The following HYCC1 variants were observed in gnomAD, a reference collection of about 807,000 sequenced individuals.
The protein encoded by HYCC1 is hyccin PI4KA lipid kinase complex subunit 1, also known as hyccin.
the HYCC1 span, among the ~76,000 whole-genome samples, chr7:23,000,477 C>A: frequency 6.6e-6 from 1 of 152,052 alleles, no homozygotes; most frequent in Admixed American, 6.6e-5. Flanking sequence ...TACATGTATA[C>A]ATAGTCCATT....
At chr7:23,001,088 A>G in the HYCC1 span, among the ~76,000 whole-genome samples, 568 of 152,276 alleles carry the variant, frequency 3.7e-3, no homozygotes, top group Non-Finnish European at 6.7e-3. Context: ...TGGTCTGGAA[A>G]ACACTCAATG....
the HYCC1 span, among the ~76,000 whole-genome samples, chr7:22,954,390 T>C: frequency 6.6e-6 from 1 of 151,150 alleles, no homozygotes; most frequent in African/African-American, 2.4e-5. Context: ...CCGATATGAA[T>C]TGCAATCTTT....
the HYCC1 span, among the ~76,000 whole-genome samples, chr7:22,927,344 G>A: frequency 2.0e-5 from 3 of 151,002 alleles, no homozygotes; most frequent in Non-Finnish European, 4.4e-5. Context: ...GAGCAGAACT[G>A]AAGGAAATAG....
At chr7:23,008,383 A>G in the HYCC1 span, among the ~76,000 whole-genome samples, 5 of 152,036 alleles carry the variant, frequency 3.3e-5, no homozygotes, top group African/African-American at 1.2e-4. Flanking sequence ...TATAAAATAC[A>G]TGAAGAAAAC....
the HYCC1 span, chr7:22,941,344 T>C: frequency 5.3e-5 from 8 of 152,262 alleles, no homozygotes; most frequent in South Asian, 2.1e-4. Flanking sequence ...TACACAAATA[T>C]ACAAAAATTC....
At chr7:22,987,325 A>G in the HYCC1 span, among the ~76,000 whole-genome samples, 1 of 152,256 alleles carries the variant, frequency 6.6e-6, no homozygotes, top group African/African-American at 2.4e-5. Flanking sequence ...AGGCAAGCGG[A>G]TAACTTGAGG....
the HYCC1 span, chr7:22,976,402 T>A: frequency 4.6e-6 from 4 of 865,476 alleles, no homozygotes; most frequent in Non-Finnish European, 7.6e-6. Context: ...GATACAATGT[T>A]ACAGAACAGA....
the HYCC1 span, chr7:22,946,174 A>C: frequency 1.2e-3 from 1,970 of 1,606,806 alleles, 29 homozygotes; most frequent in African/African-American, 0.024. Context: ...CTAAACAAAG[A>C]AATGACAAAG....
the HYCC1 span, among the ~76,000 whole-genome samples, chr7:22,967,439 C>T: frequency 6.6e-6 from 1 of 152,130 alleles, no homozygotes; most frequent in Non-Finnish European, 1.5e-5. Context: ...GGATAGAGGG[C>T]TAGGACACTA....
chr7:22,976,798 A>G, the HYCC1 span: 4 of 1,607,482 alleles, frequency 2.5e-6, no homozygotes, highest in Non-Finnish European at 2.6e-6. Context: ...CATGGACCCA[A>G]TGCTGGAAGG....
At chr7:22,984,057 T>TA in the HYCC1 span, 4 of 1,461,626 alleles carry the variant, frequency 2.7e-6, no homozygotes, top group Non-Finnish European at 3.8e-6. Context: ...TAAACAAATT[T>TA]AAAAAAATAC....
chr7:23,013,134 C>G, the HYCC1 span, among the ~76,000 whole-genome samples: 4 of 152,188 alleles, frequency 2.6e-5, no homozygotes, highest in Admixed American at 2.6e-4. Context: ...GACGGGCAGA[C>G]AGCAAATTTC....
chr7:22,943,863 CCA>C, the HYCC1 span: 6 of 152,564 alleles, frequency 3.9e-5, no homozygotes, highest in African/African-American at 9.7e-5. Flanking sequence ...AGATCTTATT[CCA>C]TTCTGTTACT....
the HYCC1 span, among the ~76,000 whole-genome samples, chr7:23,009,855 T>C: frequency 6.6e-6 from 1 of 152,172 alleles, no homozygotes; most frequent in African/African-American, 2.4e-5. Context: ...ATACTTTAAA[T>C]AGGAGATTTT....
the HYCC1 span, among the ~76,000 whole-genome samples, chr7:23,001,015 T>A: frequency 5.9e-5 from 9 of 152,106 alleles, no homozygotes; most frequent in Admixed American, 3.9e-4. Flanking sequence ...TGAAATATTT[T>A]CCTAAATGTA....
At chr7:22,908,811 T>A in the HYCC1 span, among the ~76,000 whole-genome samples, 1 of 152,188 alleles carries the variant, frequency 6.6e-6, no homozygotes, top group Non-Finnish European at 1.5e-5. Flanking sequence ...CCACACTGGG[T>A]AGTCTAAGAG....
At chr7:22,967,682 G>A in the HYCC1 span, among the ~76,000 whole-genome samples, 1 of 152,168 alleles carries the variant, frequency 6.6e-6, no homozygotes, top group African/African-American at 2.4e-5. Context: ...GATGAAGGAG[G>A]ACTGAATACA....
the HYCC1 span, among the ~76,000 whole-genome samples, chr7:22,949,864 CTAAT>C: frequency 9.9e-5 from 15 of 152,012 alleles, no homozygotes; most frequent in South Asian, 1.0e-3. Context: ...AAGTCTTTAC[CTAAT>C]TAATTGATAC....
At chr7:22,991,109 C>T in the HYCC1 span, 1 of 1,610,216 alleles carries the variant, frequency 6.2e-7, no homozygotes, top group Non-Finnish European at 8.5e-7. Context: ...CTGAAGTAAA[C>T]ATTTTTCCAC....
Sources: allele counts gnomAD v4.1 joint callset (sites outside exome capture counted in the v4.1 genomes callset), GRCh38; gene constraint gnomAD v4.1.1; transcripts MANE v1.5; gene names NCBI Gene and HGNC (gene_info 2026-07-23, HGNC 2026-07-21).